IGFN1: variants seen among roughly 807,000 people sequenced by gnomAD.
The protein encoded by IGFN1 is immunoglobulin-like and fibronectin type III domain-containing protein 1.
Under a neutral mutation model 289.5 loss-of-function variants are expected in IGFN1, and 253 were observed. The observed-to-expected ratio is 0.87, with a 90% confidence interval of 0.79 to 0.97. IGFN1 has a LOEUF of 0.97. IGFN1 is among the 50% of genes least tolerant of loss of function. The pLI, the probability that IGFN1 is intolerant of heterozygous loss-of-function variation, is 0.00. For synonymous variants in IGFN1, 1,706 were observed against 1,788.5 expected, an observed-to-expected ratio of 0.95 and a Z score of 1.16; for missense variants, 4,470 against 4,686.1, an observed-to-expected ratio of 0.95 and a Z score of 1.35.
Position 201,207,232 on chromosome 1 carries a change from ACC to A in IGFN1, c.2342_2343del (p.Pro781GlnfsTer24), listed in dbSNP as rs1667468701. On this transcript the variant is annotated frameshift_variant, in exon 12 of 24. Coordinates refer to ENST00000335211, the MANE Select transcript of IGFN1 (RefSeq NM_001164586.2). LOFTEE classifies it high-confidence loss of function. Reference sequence around the variant, plus strand: ...AAAACTGGCCCTGGAGGCCCAGGAGACCCCAGAGGCTGCGAAGGTGTCCTACA... The same window carrying A: ...AAAACTGGCCCTGGAGGCCCAGGAGACCAGAGGCTGCGAAGGTGTCCTACA... 2.6e-6 allele frequency: 4 copies of A among 1,536,548 alleles called. No individual in the cohort carries two copies. The highest frequency in any genetic ancestry group is 3.5e-6 in the Non-Finnish European group (4 of 1,146,818).
rs923786284 is a variant in IGFN1, at chr1:201,212,763, G to A, written c.7870G>A (p.Ala2624Thr). The A allele has an allele frequency of 5.2e-6, 8 of 1,551,448 alleles. No homozygotes were observed. Among genetic ancestry groups the A allele is most frequent in the African/African-American group, 1.4e-5 (1 of 73,046 alleles). Residue 2624 changes from alanine (A) to threonine (T), a missense_variant, in exon 12 of 24, where the codon GCT becomes ACT. Physicochemically the swap from Ala to Thr is moderately conservative, Grantham distance 58 (BLOSUM62 0). Transcript: ENST00000335211. ...GPADRQGTSNAWAPDWENQGF... is the reference protein window; with the variant it reads ...GPADRQGTSNTWAPDWENQGF... ...TGCTGATAGACAAGGGACGAGCAAT[G>A]CTTGGGCTCCTGATTGGGAAAACCA...
intron 5 of IGFN1, among the ~76,000 whole-genome samples, chr1:201,198,198 C>A (rs536763369): frequency 6.6e-6 from 1 of 152,298 alleles, no homozygotes; most frequent in African/African-American, 2.4e-5. Context: ...TACAGTGGCA[C>A]AATCTCACCT....
At position 201,214,029 on chromosome 1, in the gene IGFN1, A is replaced by T. The variant is rs914691211; in HGVS notation, c.8729-148A>T. 7 of 778,154 alleles carry T rather than the reference A, an allele frequency of 9.0e-6. No individual in the cohort carries two copies. In the Admixed American group the frequency reaches 1.8e-4, roughly 20 times the overall value. 48.2% of individuals were successfully genotyped at this position (778,154 alleles called of 1,614,324 possible). The stretch of plus-strand genomic sequence containing the variant: ...GGCTCCTGTCTGGGAAGACCAGGGC[A>T]TTGGAGCCAAGATAGCATAGGTGCT... On this transcript the variant is annotated intron_variant, in intron 12 of 23. Coordinates refer to ENST00000335211, the MANE Select transcript of IGFN1 (RefSeq NM_001164586.2).
intron 3 of IGFN1, among the ~76,000 whole-genome samples, chr1:201,195,007 C>T (rs566276377): frequency 2.6e-5 from 4 of 152,258 alleles, no homozygotes; most frequent in Non-Finnish European, 5.9e-5. Context: ...GCCTCCATGA[C>T]AGGCATGGAG....
rs1558145150 is a variant in IGFN1 at position 201,209,414 on chromosome 1, A to G, written c.4521A>G (p.Ser1507=). 6.5e-7 allele frequency: 1 copy of G among 1,527,738 alleles called. No homozygotes were observed. Among genetic ancestry groups the G allele is most frequent in the Non-Finnish European group, 8.8e-7 (1 of 1,142,512 alleles). The allele number at this position is 1,527,738 out of a possible 1,614,324, so 94.6% of individuals were successfully genotyped here. ...TGGGGGTTTCTGAGGGAGGGGGTTC[A>G]GGGAGCAAAGCAGGTTATAGGGGTG... ...KDLGVSEGGG[S]GSKAGYRGGL... Residue 1507 remains serine (S), a synonymous_variant, in exon 12 of 24, where the codon TCA becomes TCG. Coordinates refer to ENST00000335211, the MANE Select transcript of IGFN1 (RefSeq NM_001164586.2).
At chr1:201,215,225 G>A in intron 14 of IGFN1, 71 bp downstream of exon 14, 2 of 1,480,120 alleles carry the variant, frequency 1.4e-6, no homozygotes, top group Middle Eastern at 4.9e-4. Flanking sequence ...GATATGCCTT[G>A]CTTTAAAACA....
chr1:201,195,936 C>G lies in IGFN1; in HGVS notation c.225C>G (p.Tyr75Ter), dbSNP rs1445393584. ...SKGDLSDSSKYKISSSPGSKE... is the reference protein window; with the variant it reads ...SKGDLSDSSK ...GTGACCTCAGTGATTCCAGCAAGTA[C>G]AAGATCTCCTCCAGCCCTGGCAGCA... Residue 75 changes from tyrosine (Y) to a stop codon, truncating the protein, a stop_gained, in exon 4 of 24, where the codon TAC (tyrosine) becomes TAG (stop). Transcript: ENST00000335211. LOFTEE classifies it high-confidence loss of function. 3.3e-5 allele frequency: 51 copies of G among 1,551,754 alleles called. No homozygotes were observed. The highest frequency in any genetic ancestry group is 4.3e-5 in the Non-Finnish European group (49 of 1,147,046).
At chr1:201,203,069 T>TC (rs1667234912) in intron 9 of IGFN1, among the ~76,000 whole-genome samples, 1 of 152,274 alleles carries the variant, frequency 6.6e-6, no homozygotes, top group African/African-American at 2.4e-5. Flanking sequence ...TCTATTTTTT[T>TC]CTAACATAAA....
Position 201,227,577 on chromosome 1 carries a change from G to A in IGFN1, c.11113+369G>A, listed in dbSNP as rs796545469. On this transcript the variant is annotated intron_variant, in intron 23 of 23. Coordinates refer to ENST00000335211, the MANE Select transcript of IGFN1 (RefSeq NM_001164586.2). ...TGAATAGCTGGGATTACAGGCATCC[G>A]CCACCACACCTGGCGGATTTTTTTG... Among the ~76,000 whole-genome samples, 15 of 151,938 alleles carry A rather than the reference G, an allele frequency of 9.9e-5. No homozygotes were observed. In the South Asian group the frequency reaches 2.3e-3, roughly 23 times the overall value.
Position 201,206,379 on chromosome 1 carries a change from G to A in IGFN1, c.1486G>A (p.Glu496Lys), listed in dbSNP as rs1667422554. The A allele has an allele frequency of 6.4e-7, 1 of 1,550,528 alleles. No homozygotes were observed. Among genetic ancestry groups the A allele is most frequent in the African/African-American group, 1.4e-5 (1 of 73,052 alleles). The stretch of plus-strand genomic sequence containing the variant: ...GGAGGGCGAGGGCTTTCCAGTAGCA[G>A]AGGGAAGCAGAGCCACTCTTCCCAG... ...GQEGEGFPVA[E>K]GSRATLPREN... The change falls in exon 12 of 24, where the codon GAG becomes AAG. Residue 496 changes from glutamate to lysine, a missense_variant. This residue lies in a region of IGFN1 where 2,011 missense variants were observed against 1,953.4 expected (regional missense o/e 1.03). Coordinates refer to ENST00000335211, the MANE Select transcript of IGFN1 (RefSeq NM_001164586.2).
chr1:201,215,894 C>A, intron 15 of IGFN1, 56 bp downstream of exon 15: 1 of 1,541,920 alleles, frequency 6.5e-7, no homozygotes, highest in Non-Finnish European at 8.9e-7. Context: ...GTTCTGGGCC[C>A]TCCCTGCCAT....
chr1:201,211,099 G>C lies in IGFN1; in HGVS notation c.6206G>C (p.Gly2069Ala). Residue 2069 changes from glycine (G) to alanine (A), a missense_variant, in exon 12 of 24, where the codon GGT becomes GCT. By Grantham distance (60) the Gly-to-Ala change is moderately conservative. Coordinates refer to ENST00000335211, the MANE Select transcript of IGFN1 (RefSeq NM_001164586.2). ...GAAATGGGGTCAGTGAATGAGGCAG[G>C]TTATAGGAAGGATTTAGGGGCTCCT... is the stretch of plus-strand genomic sequence containing the variant. Reference protein sequence around the residue: ...SVEMGSVNEAGYRKDLGAPKG... With the variant: ...SVEMGSVNEAAYRKDLGAPKG... 1 of 1,507,824 alleles carries C rather than the reference G, an allele frequency of 6.6e-7. No individual in the cohort carries two copies. Among genetic ancestry groups the C allele is most frequent in the South Asian group, 1.2e-5 (1 of 82,452 alleles). The allele number at this position is 1,507,824 out of a possible 1,614,324, so 93.4% of individuals were successfully genotyped here.
chr1:201,206,177 C>CGAGACTGGGAGCATCT lies in IGFN1; in HGVS notation c.1288_1289insCTGGGAGCATCTGAGA (p.Ser430ThrfsTer5). 6.4e-7 allele frequency: 1 copy of CGAGACTGGGAGCATCT among 1,550,464 alleles called. No individual in the cohort carries two copies. The highest frequency in any genetic ancestry group is 8.7e-7 in the Non-Finnish European group (1 of 1,146,790). On this transcript the variant is annotated frameshift_variant, in exon 12 of 24. Transcript: ENST00000335211. LOFTEE classifies it high-confidence loss of function. ...CAGGAGCAGAAGAGTCTGGGAGCAT[C>CGAGACTGGGAGCATCT]GAGAGCCAGGGAGAGAAATCCAGAG... is the stretch of plus-strand genomic sequence containing the variant.
rs757815424 is a variant in IGFN1, at chr1:201,208,503, T to G, written c.3610T>G (p.Trp1204Gly). The change falls in exon 12 of 24, where the codon TGG becomes GGG. Residue 1204 changes from tryptophan (W) to glycine (G), a missense_variant. By Grantham distance (184) the Trp-to-Gly change is radical. This residue lies in a region of IGFN1 where 2,011 missense variants were observed against 1,953.4 expected (regional missense o/e 1.03). Transcript: ENST00000335211. ...CAATGGGGCCGCTTCTGGGAGCCAG[T>G]GGGCTTATGGGGCTGGCAATGTGCT... ...PHNGAASGSQ[W>G]AYGAGNVLGY... The G allele has an allele frequency of 1.2e-5, 17 of 1,448,812 alleles. No homozygotes were observed. The highest frequency in any genetic ancestry group is 1.8e-4 in the Middle Eastern group (1 of 5,584). 89.7% of individuals were successfully genotyped at this position (1,448,812 alleles called of 1,614,324 possible). A position where few individuals can be genotyped will look rare whatever the true frequency, so the allele number is the denominator to read the frequency against.
rs745430721 is a variant in IGFN1 at position 201,211,784 on chromosome 1, A to T, written c.6891A>T (p.Pro2297=). The change falls in exon 12 of 24, where the codon CCA becomes CCT. Residue 2297 remains proline, a synonymous_variant. Transcript: ENST00000335211. ...KNVLGGSGRN[P]LGSEAGSRGS... is the part of the protein sequence containing the mutation. ...TTTTAGGGGGTTCTGGGAGGAATCC[A>T]TTAGGGAGCGAGGCAGGTTCTAGGG... 2 of 1,536,748 alleles carry T rather than the reference A, an allele frequency of 1.3e-6. No homozygotes were observed. The highest frequency in any genetic ancestry group is 1.4e-5 in the African/African-American group (1 of 73,064).
intron 15 of IGFN1, 93 bp from the exon 16 acceptor site, chr1:201,216,361 G>A (rs865914271): frequency 3.1e-6 from 3 of 956,216 alleles, no homozygotes; most frequent in Admixed American, 3.2e-5. Flanking sequence ...GGGTGGGGGG[G>A]AGTCGGGGTG....
rs761437522 is a variant in IGFN1, at chr1:201,216,520, G to A, written c.9362G>A (p.Arg3121His). The change falls in exon 16 of 24, where the codon CGC becomes CAC. Residue 3121 changes from arginine to histidine, a missense_variant. By Grantham distance (29) the Arg-to-His change is conservative (BLOSUM62 0). Around this residue, in one of 8 missense-constraint regions of IGFN1, gnomAD observed 2,218 missense variants for 2,114.1 expected, o/e 1.05. Transcript: ENST00000335211. Reference sequence around the variant, plus strand: ...TGCCATAGGGCTGGCGTCTGCCTCCGCTGGCGGCCCCCAAGGGACAATGGG... The same window carrying A: ...TGCCATAGGGCTGGCGTCTGCCTCCACTGGCGGCCCCCAAGGGACAATGGG... ...QDCHRAGVCL[R>H]WRPPRDNGGR... 2.8e-5 allele frequency: 45 copies of A among 1,609,598 alleles called. No individual in the cohort carries two copies. The highest frequency in any genetic ancestry group is 1.3e-4 in the Admixed American group (8 of 59,868).
Position 201,207,790 on chromosome 1 carries a change from G to A in IGFN1, c.2897G>A (p.Ser966Asn). 6.5e-7 allele frequency: 1 copy of A among 1,536,190 alleles called. No homozygotes were observed. The highest frequency in any genetic ancestry group is 8.7e-7 in the Non-Finnish European group (1 of 1,146,448). ...EGGLGYSREI[S>N]SKSGAGYSYG... ...GGCTTAGGATATTCTAGGGAAATAA[G>A]CTCTAAAAGCGGGGCTGGTTATAGC... is the stretch of plus-strand genomic sequence containing the variant. The change falls in exon 12 of 24, where the codon AGC becomes AAC. Residue 966 changes from serine to asparagine, a missense_variant. Ser to Asn is a conservative substitution (Grantham distance 46). Around this residue, in one of 8 missense-constraint regions of IGFN1, gnomAD observed 2,011 missense variants for 1,953.4 expected, o/e 1.03. Transcript: ENST00000335211.
At chr1:201,222,456 T>C (rs967112360) in intron 19 of IGFN1, 2 of 340,130 alleles carry the variant, frequency 5.9e-6, no homozygotes, top group Non-Finnish European at 1.1e-5. Flanking sequence ...GCCACATGTC[T>C]GCATCTTCCT....
Sources: gnomAD v4.1 joint callset for allele counts (sites outside exome capture counted in the v4.1 genomes callset) on GRCh38, gnomAD v4.1.1 for gene constraint, gnomAD v4.1.1 regional missense constraint, MANE v1.5 for transcripts, NCBI Gene and HGNC (gene_info 2026-07-23, HGNC 2026-07-21) for gene names.